Variants in MLLT10 observed in about 807,000 individuals in gnomAD.
MLLT10 encodes the protein MLLT10 histone lysine methyltransferase DOT1L cofactor, also known as protein AF-10.
In MLLT10, 30 loss-of-function variants were observed where a neutral mutation model predicts 129.1. That is an observed-to-expected ratio of 0.23 (90% CI 0.17 to 0.32). MLLT10 has a LOEUF of 0.32. Among genes scored for constraint, MLLT10 ranks in the 10% least tolerant of loss-of-function variants. The pLI is 1.00. For synonymous variants in MLLT10, 490 were observed against 446.4 expected (o/e 1.10, Z -1.23); for missense variants, 1,119 against 1,268.3 (o/e 0.88, Z 1.79).
chr10:21,692,031 G>T (rs1382067872), intron 13 of MLLT10, among the ~76,000 whole-genome samples: 1 of 147,390 alleles, frequency 6.8e-6, no homozygotes, highest in Non-Finnish European at 1.5e-5. Context: ...AAAAGAGCCA[G>T]GTGGGGTGGT....
intron 3 of MLLT10, among the ~76,000 whole-genome samples, chr10:21,541,067 G>C (rs2035062591): frequency 6.6e-6 from 1 of 152,162 alleles, no homozygotes; most frequent in Non-Finnish European, 1.5e-5. Context: ...GACTGAGGCA[G>C]GAGAATCGCT....
At chr10:21,557,349 A>G (rs1277022617) in intron 3 of MLLT10, among the ~76,000 whole-genome samples, 1 of 152,206 alleles carries the variant, frequency 6.6e-6, no homozygotes, top group African/African-American at 2.4e-5. Context: ...TCCACGTACA[A>G]GAAGTTCTTT....
intron 8 of MLLT10, among the ~76,000 whole-genome samples, chr10:21,633,406 T>G (rs555190763): frequency 6.6e-6 from 1 of 152,206 alleles, no homozygotes; most frequent in Non-Finnish European, 1.5e-5. Flanking sequence ...TTCCCAGTTT[T>G]GGTTAGGAGA....
rs1323377017 is a variant in MLLT10, at chr10:21,742,318, A to G, written c.*335A>G. On this transcript the variant is annotated 3_prime_UTR_variant, in exon 23 of 23. Transcript: ENST00000307729. ...TTGGTACACAACTAGTTTTGTTTAT[A>G]AATTGGAGATGCAAATAGCAAAACT... 2 of 270,150 alleles carry G rather than the reference A, an allele frequency of 7.4e-6. No homozygotes were observed. The highest frequency in any genetic ancestry group is 4.3e-5 in the African/African-American group (2 of 46,386). 16.7% of individuals were successfully genotyped at this position (270,150 alleles called of 1,614,324 possible). A position where few individuals can be genotyped will look rare whatever the true frequency, so the allele number is the denominator to read the frequency against.
chr10:21,617,074 A>G, intron 7 of MLLT10, 38 bp from the exon 8 acceptor site: 1 of 972,300 alleles, frequency 1.0e-6, no homozygotes, highest in Non-Finnish European at 1.4e-6. Flanking sequence ...AAAGTTTTAT[A>G]TACATATACA....
At chr10:21,535,515 T>G (rs1352321937) in intron 2 of MLLT10, among the ~76,000 whole-genome samples, 6 of 151,170 alleles carry the variant, frequency 4.0e-5, no homozygotes, top group African/African-American at 1.5e-4. Context: ...GCTGAAGAGG[T>G]GGCGGTGCCA....
intron 3 of MLLT10, among the ~76,000 whole-genome samples, chr10:21,543,209 C>T (rs537370002): frequency 1.1e-4 from 17 of 152,288 alleles, no homozygotes; most frequent in African/African-American, 3.6e-4. Flanking sequence ...CAACCTCCAC[C>T]TCCTGGATTC....
intron 13 of MLLT10, among the ~76,000 whole-genome samples, chr10:21,692,065 T>C (rs2053911497): frequency 6.7e-6 from 1 of 150,074 alleles, no homozygotes; most frequent in African/African-American, 2.5e-5. Flanking sequence ...TCCCAGGTAC[T>C]TGTGAGGCTG....
rs538809760 is a variant in MLLT10, at chr10:21,704,023, T to G, written c.1700-9749T>G. 2.2e-3 allele frequency among the ~76,000 whole-genome samples: 288 copies of G among 133,302 alleles called. 1 individual carries two copies. The highest frequency in any genetic ancestry group is 6.8e-3 in the African/African-American group (244 of 35,810). 87.5% of individuals were successfully genotyped at this position (133,302 alleles called of 152,430 possible). The stretch of plus-strand genomic sequence containing the variant: ...GGATTTCGATTGTTTTTTGTTTTTT[T>G]TTTTTTTTTTTTTTTTGATGGAGTG... On this transcript the variant is annotated intron_variant, in intron 13 of 22. Transcript: ENST00000307729.
At chr10:21,680,219 CT>C (rs1309406905) in intron 11 of MLLT10, among the ~76,000 whole-genome samples, 2 of 150,120 alleles carry the variant, frequency 1.3e-5, no homozygotes, top group East Asian at 1.9e-4. Flanking sequence ...TTTTTCTTTT[CT>C]TTTTTTTTGA....
chr10:21,550,219 T>C (rs1797764436), intron 3 of MLLT10, among the ~76,000 whole-genome samples: 1 of 152,178 alleles, frequency 6.6e-6, no homozygotes, highest in South Asian at 2.1e-4. Flanking sequence ...CTTTAGATAA[T>C]AGATTTTGGG....
Position 21,607,219 on chromosome 10 carries a change from C to G in MLLT10, c.406-5129C>G, listed in dbSNP as rs191410946. 2.7e-4 allele frequency among the ~76,000 whole-genome samples: 41 copies of G among 152,130 alleles called. No homozygotes were observed. In the East Asian group the frequency reaches 6.4e-3, roughly 24 times the overall value. On this transcript the variant is annotated intron_variant, in intron 5 of 22. Transcript: ENST00000307729. Reference sequence around the variant, plus strand: ...AGAACAGTTTTCTCCTGTAAAGCTCCATTGCCCTCTTCCACATTTTGCTAT... The same window carrying G: ...AGAACAGTTTTCTCCTGTAAAGCTCGATTGCCCTCTTCCACATTTTGCTAT...
intron 3 of MLLT10, among the ~76,000 whole-genome samples, chr10:21,562,410 T>C (rs2038938583): frequency 6.6e-6 from 1 of 151,844 alleles, no homozygotes; most frequent in African/African-American, 2.4e-5. Flanking sequence ...CAATCTCAGC[T>C]CACTGCAACC....
In MLLT10 at chr10:21,551,407, T is replaced by G. The variant is rs192894051; in HGVS notation, c.240+12495T>G. Among the ~76,000 whole-genome samples the G allele has an allele frequency of 5.3e-5, 8 of 150,062 alleles. 1 individual carries two copies. Among genetic ancestry groups the G allele is most frequent in the Admixed American group, 4.7e-4 (7 of 15,022 alleles). ...TCTTTAAAGTTGAACATTTACTAAC[T>G]TTTTTTTTGTTACTGCTGACTCATA... On this transcript the variant is annotated intron_variant, in intron 3 of 22. Transcript: ENST00000307729.
At chr10:21,650,196 T>C (rs1233715293) in intron 8 of MLLT10, among the ~76,000 whole-genome samples, 2 of 150,890 alleles carry the variant, frequency 1.3e-5, no homozygotes, top group Admixed American at 6.6e-5. Flanking sequence ...AAAATACATA[T>C]AAAAAAAAGC....
chr10:21,713,120 A>G (rs2056252497), intron 13 of MLLT10, among the ~76,000 whole-genome samples: 1 of 152,092 alleles, frequency 6.6e-6, no homozygotes, highest in Non-Finnish European at 1.5e-5. Context: ...CTCATAGCCC[A>G]GTTCATCATG....
At chr10:21,740,284 A>G (rs1408884735) in intron 22 of MLLT10, 48 bp downstream of exon 22, 5 of 1,576,732 alleles carry the variant, frequency 3.2e-6, no homozygotes, top group South Asian at 1.1e-5. Flanking sequence ...AACTGTATTG[A>G]TTAATCGGAG....
chr10:21,694,159 C>G (rs534869525), intron 13 of MLLT10, among the ~76,000 whole-genome samples: 33 of 152,280 alleles, frequency 2.2e-4, no homozygotes, highest in African/African-American at 7.9e-4. Context: ...GCACTGAATA[C>G]TTATGTATTT....
chr10:21,633,164 T>G (rs900315272), intron 8 of MLLT10, among the ~76,000 whole-genome samples: 1 of 152,220 alleles, frequency 6.6e-6, no homozygotes, highest in African/African-American at 2.4e-5. Flanking sequence ...TTCATCTGCA[T>G]CAAGTTGATT....
Sources: allele counts gnomAD v4.1 joint callset (sites outside exome capture counted in the v4.1 genomes callset), GRCh38; gene constraint gnomAD v4.1.1; transcripts MANE v1.5; gene names NCBI Gene and HGNC (gene_info 2026-07-23, HGNC 2026-07-21).